GAD2: variants seen among roughly 807,000 people sequenced by gnomAD.
GAD2 encodes 65 kDa glutamic acid decarboxylase.
GAD2 carries 22 observed loss-of-function variants against 80.1 expected under a neutral mutation model. The observed-to-expected ratio is 0.27, with a 90% CI of 0.20 to 0.39. GAD2 has a LOEUF of 0.39. Ranked by LOEUF, GAD2 falls within the 10% of genes least tolerant of loss-of-function variation. GAD2 has a pLI of 1.00. For synonymous variants in GAD2, 274 were observed against 256.9 expected, an observed-to-expected ratio of 1.07 and a Z score of -0.64; for missense variants, 624 against 738.4, an observed-to-expected ratio of 0.85 and a Z score of 1.80.
At chr10:26,221,630 C>T (rs1844453221) in intron 4 of GAD2, among the ~76,000 whole-genome samples, 1 of 152,172 alleles carries the variant, frequency 6.6e-6, no homozygotes, top group South Asian at 2.1e-4. Flanking sequence ...GACTTTTGGC[C>T]TCTTCCCAAC....
rs1023586896 is a variant in GAD2 at position 26,302,151 on chromosome 10, C to G, written c.*1190C>G. 2.0e-5 allele frequency: 3 copies of G among 152,026 alleles called. No individual in the cohort carries two copies. Among genetic ancestry groups the G allele is most frequent in the African/African-American group, 7.2e-5 (3 of 41,384 alleles). 9.4% of individuals were successfully genotyped at this position (152,026 alleles called of 1,614,324 possible). ...CTGTCCAGGAAAGAGAAATTTACCTCCAGGCCAGTTGCGCATTTCCATCCC... is the reference window on the plus strand; with the variant it reads ...CTGTCCAGGAAAGAGAAATTTACCTGCAGGCCAGTTGCGCATTTCCATCCC... On this transcript the variant is annotated 3_prime_UTR_variant, in exon 16 of 16. Coordinates refer to ENST00000376261, the MANE Select transcript of GAD2 (RefSeq NM_001134366.2).
chr10:26,244,963 C>G (rs1486111009), intron 7 of GAD2, among the ~76,000 whole-genome samples: 1 of 151,934 alleles, frequency 6.6e-6, no homozygotes, highest in Non-Finnish European at 1.5e-5. Flanking sequence ...ACCAGCCTGG[C>G]CAACATGGTG....
intron 7 of GAD2, among the ~76,000 whole-genome samples, chr10:26,241,989 G>T (rs1844748760): frequency 6.6e-6 from 1 of 151,902 alleles, no homozygotes; most frequent in South Asian, 2.1e-4. Context: ...TTGTTTGTTT[G>T]TTTGTTTTTG....
chr10:26,237,477 G>A (rs376171416), intron 7 of GAD2, among the ~76,000 whole-genome samples: 7 of 151,898 alleles, frequency 4.6e-5, no homozygotes, highest in African/African-American at 1.2e-4. Context: ...CATGGCTCTC[G>A]GTGAGCCCCT....
intron 11 of GAD2, among the ~76,000 whole-genome samples, chr10:26,276,836 T>G (rs570558735): frequency 9.8e-5 from 15 of 152,312 alleles, no homozygotes; most frequent in East Asian, 1.9e-4. Flanking sequence ...TTGCTCTCAC[T>G]CCTGCCCTGA....
chr10:26,243,129 C>T (rs960222241), intron 7 of GAD2, among the ~76,000 whole-genome samples: 13 of 152,230 alleles, frequency 8.5e-5, no homozygotes, highest in East Asian at 3.9e-4. Context: ...CTAGGTATCA[C>T]GGTAATGACT....
chr10:26,278,808 A>G (rs1439176721), intron 11 of GAD2, among the ~76,000 whole-genome samples: 1 of 151,904 alleles, frequency 6.6e-6, no homozygotes, highest in Admixed American at 6.6e-5. Context: ...GCTGAGCTAG[A>G]CTATTCGTTG....
In GAD2 at chr10:26,216,997, G is replaced by A; in HGVS notation, c.76+112G>A. The A allele has an allele frequency of 1.1e-6, 1 of 908,580 alleles. No individual in the cohort carries two copies. The highest frequency in any genetic ancestry group is 1.7e-6 in the Non-Finnish European group (1 of 584,376). The allele number at this position is 908,580 out of a possible 1,614,324, so 56.3% of individuals were successfully genotyped here. On this transcript the variant is annotated intron_variant, in intron 1 of 15. Transcript: ENST00000376261. The surrounding 1 kb of genome is among the most constrained non-coding windows in gnomAD (Gnocchi z 4.7). ...TCCACCTGCAACAGGAAACTTCTTCGGGCGCTTCTCCCTGCTTTTGGGCTA... is the reference window on the plus strand; with the variant it reads ...TCCACCTGCAACAGGAAACTTCTTCAGGCGCTTCTCCCTGCTTTTGGGCTA...
At chr10:26,273,388 TTCTC>T (rs1465070791) in intron 10 of GAD2, among the ~76,000 whole-genome samples, 8 of 152,170 alleles carry the variant, frequency 5.3e-5, no homozygotes, top group African/African-American at 1.9e-4. Context: ...GAGAGGGTCT[TTCTC>T]TCTCTTCTAC....
intron 15 of GAD2, 31 bp from the exon 16 acceptor site, chr10:26,300,757 A>G (rs1834320414): frequency 6.2e-7 from 1 of 1,602,976 alleles, no homozygotes; most frequent in Non-Finnish European, 8.5e-7. Flanking sequence ...CCCAGGAGAA[A>G]GTCACCATGC....
chr10:26,273,071 C>A (rs1589149990), intron 10 of GAD2, among the ~76,000 whole-genome samples: 1 of 152,092 alleles, frequency 6.6e-6, no homozygotes, highest in African/African-American at 2.4e-5. Context: ...AAATCTTCAA[C>A]CTTGATCAAG....
intron 8 of GAD2, among the ~76,000 whole-genome samples, chr10:26,258,270 A>T (rs1236986198): frequency 6.6e-6 from 1 of 152,248 alleles, no homozygotes. Flanking sequence ...CTCACAGGGG[A>T]TATGTCTAAC....
intron 8 of GAD2, among the ~76,000 whole-genome samples, chr10:26,254,128 C>A (rs557583667): frequency 6.6e-6 from 1 of 152,182 alleles, no homozygotes; most frequent in Admixed American, 6.5e-5. Context: ...CCTCTGCCTC[C>A]CAGGTTCCAG....
chr10:26,303,080 A>C lies in GAD2; in HGVS notation c.*2119A>C, dbSNP rs1834344480. 2.6e-5 allele frequency: 4 copies of C among 152,218 alleles called. No individual in the cohort carries two copies. In the South Asian group the frequency reaches 8.3e-4, roughly 32 times the overall value. The allele number at this position is 152,218 out of a possible 1,614,324, so 9.4% of individuals were successfully genotyped here. A position where few individuals can be genotyped will look rare whatever the true frequency, so the allele number is the denominator to read the frequency against. On this transcript the variant is annotated 3_prime_UTR_variant, in exon 16 of 16. Coordinates refer to ENST00000376261, the MANE Select transcript of GAD2 (RefSeq NM_001134366.2). The stretch of plus-strand genomic sequence containing the variant: ...CTTCGTGGAGAAGACAGTGGGGCCC[A>C]GTGCCCTGGTGAACCAACCCTGCTG...
chr10:26,240,603 G>A (rs1387544421), intron 7 of GAD2, among the ~76,000 whole-genome samples: 2 of 151,960 alleles, frequency 1.3e-5, no homozygotes, highest in Admixed American at 6.6e-5. Flanking sequence ...ATGGTGGCAG[G>A]TACCTGTAAT....
chr10:26,265,504 G>A (rs1431635656), intron 8 of GAD2, among the ~76,000 whole-genome samples: 1 of 151,948 alleles, frequency 6.6e-6, no homozygotes, highest in East Asian at 1.9e-4. Context: ...AGTATGGCCA[G>A]CATCATACGA....
At chr10:26,287,623 T>C (rs1845348777) in intron 13 of GAD2, among the ~76,000 whole-genome samples, 1 of 152,196 alleles carries the variant, frequency 6.6e-6, no homozygotes, top group South Asian at 2.1e-4. Context: ...AGAAGTATTT[T>C]TTTGTATGTA....
intron 8 of GAD2, among the ~76,000 whole-genome samples, chr10:26,256,261 T>G (rs11015018): frequency 0.49 from 73,530 of 151,248 alleles, 19,352 homozygotes; most frequent in African/African-American, 0.71. Flanking sequence ...TATATATATA[T>G]AGAGAGAGAA....
chr10:26,218,641 G>C (rs1016304548), intron 3 of GAD2, among the ~76,000 whole-genome samples: 2 of 150,970 alleles, frequency 1.3e-5, no homozygotes, highest in African/African-American at 4.9e-5. Flanking sequence ...TAATGCACCT[G>C]TTCCACTTTG....
Sources: allele counts gnomAD v4.1 joint callset (sites outside exome capture counted in the v4.1 genomes callset), GRCh38; gene constraint gnomAD v4.1.1; non-coding constraint Gnocchi (gnomAD v3.1); transcripts MANE v1.5; gene names NCBI Gene and HGNC (gene_info 2026-07-23, HGNC 2026-07-21).